Variants in CPQ observed in about 807,000 individuals in gnomAD.
The protein encoded by CPQ is Ser-Met dipeptidase.
Under a neutral mutation model 45.7 loss-of-function variants are expected in CPQ, and 37 were observed. That is an observed-to-expected ratio of 0.81 (90% CI 0.62 to 1.07). The LOEUF (loss-of-function observed/expected upper bound fraction) is 1.07, where lower values mean the gene tolerates loss of function less well. Among genes scored for constraint, CPQ ranks in the 50% least tolerant of loss-of-function variants. The pLI is 0.00. For missense variants in CPQ, 537 were observed against 572.9 expected, an observed-to-expected ratio of 0.94 and a Z score of 0.64; for synonymous variants, 186 against 205.8, an observed-to-expected ratio of 0.90 and a Z score of 0.82.
intron 7 of CPQ, among the ~76,000 whole-genome samples, chr8:97,085,245 G>A (rs752595544): frequency 6.6e-6 from 1 of 151,966 alleles, no homozygotes; most frequent in Non-Finnish European, 1.5e-5. Flanking sequence ...TTAGCCAGGC[G>A]CAGTGGTGCA....
chr8:97,122,965 A>ATTAAATTAAATTAAAT (rs1192884217), intron 7 of CPQ, among the ~76,000 whole-genome samples: 27 of 82,590 alleles, frequency 3.3e-4, no homozygotes, highest in Non-Finnish European at 4.0e-4. Context: ...ATAAAATAAA[A>ATTAAATTAAATTAAAT]TAAAATAAAA....
At chr8:96,948,966 C>A (rs1215822337) in intron 4 of CPQ, among the ~76,000 whole-genome samples, 3 of 152,042 alleles carry the variant, frequency 2.0e-5, no homozygotes, top group Non-Finnish European at 4.4e-5. Context: ...CCCATGCATT[C>A]TTTTGGTTAC....
chr8:96,940,285 TA>T (rs1450472075), intron 4 of CPQ, among the ~76,000 whole-genome samples: 1 of 152,182 alleles, frequency 6.6e-6, no homozygotes, highest in African/African-American at 2.4e-5. Context: ...TCATGGTTCA[TA>T]AAACTGAAGG....
intron 1 of CPQ, among the ~76,000 whole-genome samples, chr8:96,688,133 TTAGA>T (rs200634683): frequency 0.024 from 3,674 of 152,226 alleles, 159 homozygotes; most frequent in African/African-American, 0.084. Context: ...TACTGGGTAA[TTAGA>T]TAGTCATAAC....
intron 1 of CPQ, among the ~76,000 whole-genome samples, chr8:96,651,963 A>G (rs896936815): frequency 8.5e-5 from 13 of 152,354 alleles, no homozygotes; most frequent in Non-Finnish European, 1.3e-4. Context: ...CACCTTAAAT[A>G]CTTATCATTT....
At chr8:96,937,707 G>C (rs1813069903) in intron 4 of CPQ, among the ~76,000 whole-genome samples, 1 of 152,166 alleles carries the variant, frequency 6.6e-6, no homozygotes, top group African/African-American at 2.4e-5. Flanking sequence ...TATACCCGCA[G>C]TCAATTGCCA....
At chr8:96,967,713 G>A (rs1237322461) in intron 5 of CPQ, among the ~76,000 whole-genome samples, 1 of 152,094 alleles carries the variant, frequency 6.6e-6, no homozygotes, top group Non-Finnish European at 1.5e-5. Context: ...CTAAAATAAA[G>A]AGTAATATTT....
Position 96,784,849 on chromosome 8 carries a change from T to C in CPQ, c.-34-15T>C. The C allele has an allele frequency of 6.6e-7, 1 of 1,518,648 alleles. No individual in the cohort carries two copies. The highest frequency in any genetic ancestry group is 8.9e-7 in the Non-Finnish European group (1 of 1,123,988). 94.1% of individuals were successfully genotyped at this position (1,518,648 alleles called of 1,614,324 possible). On this transcript the variant is annotated splice_polypyrimidine_tract_variant and intron_variant, in intron 1 of 7. Transcript: ENST00000220763. ...ATTCTTTTCCCCTAAAACATAATGTTTCTTATTTATGTAGATTATCTTAAC... is the reference window on the plus strand; with the variant it reads ...ATTCTTTTCCCCTAAAACATAATGTCTCTTATTTATGTAGATTATCTTAAC...
intron 3 of CPQ, among the ~76,000 whole-genome samples, chr8:96,859,605 C>A (rs949265167): frequency 6.6e-6 from 1 of 152,146 alleles, no homozygotes; most frequent in Non-Finnish European, 1.5e-5. Flanking sequence ...GTTGTTAGAA[C>A]TTTTGGCTTC....
At chr8:96,901,835 A>T (rs1266971769) in intron 4 of CPQ, among the ~76,000 whole-genome samples, 1 of 152,198 alleles carries the variant, frequency 6.6e-6, no homozygotes, top group East Asian at 1.9e-4. Context: ...TGCTTTCTTC[A>T]AGAGATCTGA....
chr8:96,769,969 ATT>A (rs1252452142), intron 1 of CPQ, among the ~76,000 whole-genome samples: 1 of 152,198 alleles, frequency 6.6e-6, no homozygotes, highest in East Asian at 1.9e-4. Flanking sequence ...AACAGTAAGA[ATT>A]TAGGCTTTGT....
chr8:96,782,745 T>C (rs1586398610), intron 1 of CPQ, among the ~76,000 whole-genome samples: 1 of 152,192 alleles, frequency 6.6e-6, no homozygotes, highest in African/African-American at 2.4e-5. Flanking sequence ...CCTCACATTC[T>C]ATTATATACA....
chr8:96,931,102 C>T (rs1209426130), intron 4 of CPQ, among the ~76,000 whole-genome samples: 1 of 152,178 alleles, frequency 6.6e-6, no homozygotes, highest in Non-Finnish European at 1.5e-5. Flanking sequence ...GCCACCCTTC[C>T]TTCTTCCCCG....
intron 1 of CPQ, among the ~76,000 whole-genome samples, chr8:96,778,919 G>C (rs1437973735): frequency 6.6e-6 from 1 of 151,948 alleles, no homozygotes; most frequent in African/African-American, 2.4e-5. Context: ...ACAAAAATTA[G>C]CTGAGCATGG....
At chr8:96,753,712 A>G (rs1461532773) in intron 1 of CPQ, among the ~76,000 whole-genome samples, 1 of 152,028 alleles carries the variant, frequency 6.6e-6, no homozygotes, top group Non-Finnish European at 1.5e-5. Flanking sequence ...TAGAAAAGCA[A>G]TCATACCTTC....
At chr8:96,989,527 A>C (rs1688361112) in intron 5 of CPQ, among the ~76,000 whole-genome samples, 1 of 150,268 alleles carries the variant, frequency 6.7e-6, no homozygotes, top group African/African-American at 2.5e-5. Flanking sequence ...AGAGGAGAGG[A>C]GAGAGGAGAG....
At chr8:96,794,857 A>G (rs1810905619) in intron 2 of CPQ, among the ~76,000 whole-genome samples, 1 of 152,100 alleles carries the variant, frequency 6.6e-6, no homozygotes, top group Non-Finnish European at 1.5e-5. Context: ...AGCAAGAATC[A>G]CCTTTGCTCC....
chr8:96,753,502 TTG>T (rs879744147), intron 1 of CPQ, among the ~76,000 whole-genome samples: 2 of 139,458 alleles, frequency 1.4e-5, no homozygotes, highest in Non-Finnish European at 1.7e-5. Context: ...ATCTTTCCAT[TTG>T]TTTAAGTTTT....
intron 1 of CPQ, among the ~76,000 whole-genome samples, chr8:96,742,500 G>C (rs1020319784): frequency 2.6e-5 from 4 of 151,800 alleles, no homozygotes; most frequent in African/African-American, 9.7e-5. Flanking sequence ...TGTTATGTGT[G>C]AGTTTGATCC....
Sources: gnomAD v4.1 joint callset for allele counts (sites outside exome capture counted in the v4.1 genomes callset) on GRCh38, gnomAD v4.1.1 for gene constraint, MANE v1.5 for transcripts, NCBI Gene and HGNC (gene_info 2026-07-23, HGNC 2026-07-21) for gene names.